The following MICAL2 variants were observed in gnomAD, a reference collection of about 807,000 sequenced individuals.
MICAL2 encodes the protein microtubule associated monooxygenase, calponin and LIM domain containing 2, also known as [F-actin]-monooxygenase MICAL2.
In MICAL2, 77 loss-of-function variants were observed where a neutral mutation model predicts 127.3. The ratio of observed to expected loss-of-function variants is 0.60; its 90% CI spans 0.50 to 0.73. MICAL2 has a LOEUF of 0.73. Ranked by LOEUF, MICAL2 falls within the 30% of genes least tolerant of loss-of-function variation. MICAL2 has a pLI of 0.00. For synonymous variants in MICAL2, 570 were observed against 551.1 expected (o/e 1.03, Z -0.48); for missense variants, 1,351 against 1,434.4 (o/e 0.94, Z 0.94).
chr11:12,273,930 T>C (rs891705765), upstream of MICAL2, among the ~76,000 whole-genome samples: 2 of 151,892 alleles, frequency 1.3e-5, no homozygotes, highest in Middle Eastern at 3.4e-3. Flanking sequence ...GGCAGGATTA[T>C]AGGAATAGAG....
intron 15 of MICAL2, among the ~76,000 whole-genome samples, chr11:12,229,519 C>T (rs1255437676): frequency 6.6e-6 from 1 of 152,250 alleles, no homozygotes; most frequent in Non-Finnish European, 1.5e-5. Context: ...TTTCTGGAAG[C>T]TCTCCGAGAC....
At chr11:12,316,242 C>T (rs540299284) in intron 29 of MICAL2, among the ~76,000 whole-genome samples, 155 of 151,950 alleles carry the variant, frequency 1.0e-3, no homozygotes, top group African/African-American at 3.7e-3. Flanking sequence ...TTTTTAATTG[C>T]AATGCTTTGA....
downstream of MICAL2, chr11:12,294,583 A>G (rs779583926): frequency 1.2e-6 from 2 of 1,614,218 alleles, no homozygotes; most frequent in East Asian, 2.2e-5. Flanking sequence ...AGAACTTCCC[A>G]GATGCTTCTA....
Position 12,256,939 on chromosome 11 carries a change from G to T in MICAL2, c.3110G>T (p.Arg1037Leu), listed in dbSNP as rs368099985. Residue 1037 changes from arginine to leucine, a missense_variant, in exon 24 of 28, where the codon CGC becomes CTC. Around this residue, in one of 2 missense-constraint regions of MICAL2, gnomAD observed 752 missense variants for 719.4 expected, o/e 1.05. Transcript: ENST00000683283. Reference sequence around the variant, plus strand: ...TGCAGCATCTGTGCCACCACCTTGCGCCTGGCCGCCTACACCTTTGACTGC... The same window carrying T: ...TGCAGCATCTGTGCCACCACCTTGCTCCTGGCCGCCTACACCTTTGACTGC... ...FRCSICATTL[R>L]LAAYTFDCDE... is the part of the protein sequence containing the mutation. 6 of 1,613,860 alleles carry T rather than the reference G, an allele frequency of 3.7e-6. No individual in the cohort carries two copies. The highest frequency in any genetic ancestry group is 5.1e-6 in the Non-Finnish European group (6 of 1,179,904).
At chr11:12,213,497 G>A (rs561245865) in intron 7 of MICAL2, 87 bp downstream of exon 7, 39 of 1,385,044 alleles carry the variant, frequency 2.8e-5, no homozygotes, top group Non-Finnish European at 3.7e-5. Flanking sequence ...GGCTTTCTGG[G>A]CTCTTGGGCC....
chr11:12,224,760 C>T lies in MICAL2; in HGVS notation c.1628C>T (p.Thr543Ile), dbSNP rs781624496. 1.1e-5 allele frequency: 18 copies of T among 1,614,240 alleles called. No homozygotes were observed. The highest frequency in any genetic ancestry group is 3.3e-5 in the Admixed American group (2 of 60,034). ...CATGTCAACGTCACCGACCTGACCACATCCTGGCGCAGTGGGTTGGCCCTG... is the reference window on the plus strand; with the variant it reads ...CATGTCAACGTCACCGACCTGACCATATCCTGGCGCAGTGGGTTGGCCCTG... ...YQHVNVTDLTTSWRSGLALCA... is the reference protein window; with the variant it reads ...YQHVNVTDLTISWRSGLALCA... Residue 543 changes from threonine (T) to isoleucine (I), a missense_variant, in exon 13 of 28, where the codon ACA (threonine) becomes ATA (isoleucine). Thr to Ile is a moderately conservative substitution (Grantham distance 89). Around this residue, in one of 2 missense-constraint regions of MICAL2, gnomAD observed 599 missense variants for 714.9 expected, o/e 0.84. Transcript: ENST00000683283.
chr11:12,336,876 T>C (rs1218158459), intron 32 of MICAL2, among the ~76,000 whole-genome samples: 1 of 151,920 alleles, frequency 6.6e-6, no homozygotes, highest in Non-Finnish European at 1.5e-5. Flanking sequence ...TGAGGATTTT[T>C]GCATCAGTGT....
intron 3 of MICAL2, among the ~76,000 whole-genome samples, chr11:12,202,078 C>T (rs1032995361): frequency 2.6e-5 from 4 of 151,960 alleles, no homozygotes; most frequent in Non-Finnish European, 4.4e-5. Flanking sequence ...GCCAAAATCA[C>T]GCCATTGCAC....
downstream of MICAL2, among the ~76,000 whole-genome samples, chr11:12,296,522 A>G (rs945735427): frequency 2.0e-5 from 3 of 148,792 alleles, no homozygotes; most frequent in Non-Finnish European, 4.5e-5. Flanking sequence ...AACACATTAA[A>G]TTTTGTGATG....
intron 16 of MICAL2, among the ~76,000 whole-genome samples, chr11:12,237,137 C>T (rs1859199777): frequency 1.3e-5 from 2 of 152,278 alleles, no homozygotes; most frequent in East Asian, 1.9e-4. Flanking sequence ...ATGAGGTTCA[C>T]CTTGGGGAAA....
chr11:12,165,664 G>A (rs7101605), intron 3 of MICAL2, among the ~76,000 whole-genome samples: 20 of 152,106 alleles, frequency 1.3e-4, no homozygotes, highest in African/African-American at 1.2e-4. Flanking sequence ...TTTATCAGCC[G>A]CTGCCATATG....
At chr11:12,177,156 C>T (rs948879272) in intron 3 of MICAL2, among the ~76,000 whole-genome samples, 2 of 152,168 alleles carry the variant, frequency 1.3e-5, no homozygotes, top group African/African-American at 4.8e-5. Flanking sequence ...TCCACATCCT[C>T]ATCATACTTA....
intron 15 of MICAL2, 101 bp from the exon 16 acceptor site, chr11:12,236,076 T>G: frequency 2.1e-6 from 2 of 969,560 alleles, no homozygotes; most frequent in East Asian, 4.8e-5. Flanking sequence ...GGACACATCC[T>G]CAGCGCCAGC....
At chr11:12,244,679 G>A (rs557770580) in intron 21 of MICAL2, among the ~76,000 whole-genome samples, 2 of 152,300 alleles carry the variant, frequency 1.3e-5, no homozygotes, top group South Asian at 4.1e-4. Context: ...AGGTTCCATG[G>A]GGGGATTTTG....
chr11:12,201,172 G>A (rs1001164907), intron 3 of MICAL2, among the ~76,000 whole-genome samples: 2 of 152,122 alleles, frequency 1.3e-5, no homozygotes, highest in Non-Finnish European at 2.9e-5. Context: ...GAGGAAGCAC[G>A]TGGGCTTGCA....
intron 21 of MICAL2, among the ~76,000 whole-genome samples, chr11:12,245,717 G>A (rs1860642147): frequency 6.6e-6 from 1 of 152,246 alleles, no homozygotes; most frequent in African/African-American, 2.4e-5. Context: ...CTCAGTAAGA[G>A]TGGTTCTGGG....
chr11:12,209,031 T>A (rs1855091336), intron 5 of MICAL2, among the ~76,000 whole-genome samples: 1 of 151,962 alleles, frequency 6.6e-6, no homozygotes, highest in Non-Finnish European at 1.5e-5. Flanking sequence ...TTTTTTTTTT[T>A]AAATAAAAGA....
chr11:12,178,709 G>GTAT lies in MICAL2; in HGVS notation c.264+16302_264+16304dup, dbSNP rs529421958. ...GATGGTAAATGTCTCTCATCAGACG[G>GTAT]TATTATTATTATTACTATTTTTTTT... is the stretch of plus-strand genomic sequence containing the variant. On this transcript the variant is annotated intron_variant, in intron 3 of 27. Transcript: ENST00000683283. 1.0e-3 allele frequency among the ~76,000 whole-genome samples: 153 copies of GTAT among 146,768 alleles called. 4 individuals carry two copies. In the South Asian group the frequency reaches 0.02, roughly 19 times the overall value.
At chr11:12,164,606 C>T (rs534763409) in intron 3 of MICAL2, among the ~76,000 whole-genome samples, 32 of 152,292 alleles carry the variant, frequency 2.1e-4, no homozygotes, top group African/African-American at 7.5e-4. Flanking sequence ...TCTCCATGTT[C>T]GAAGCCTCTC....
Sources: gnomAD v4.1 joint callset for allele counts (sites outside exome capture counted in the v4.1 genomes callset) on GRCh38, gnomAD v4.1.1 for gene constraint, gnomAD v4.1.1 regional missense constraint, MANE v1.5 for transcripts, NCBI Gene and HGNC (gene_info 2026-07-23, HGNC 2026-07-21) for gene names.